HOOK1: variants seen among roughly 807,000 people sequenced by gnomAD.
HOOK1 encodes the protein hook microtubule tethering protein 1.
HOOK1 carries 60 observed loss-of-function variants against 112.8 expected under a neutral mutation model. The ratio of observed to expected loss-of-function variants is 0.53; its 90% confidence interval spans 0.43 to 0.66. The LOEUF (loss-of-function observed/expected upper bound fraction) is 0.66. Among genes scored for constraint, HOOK1 ranks in the 30% least tolerant of loss-of-function variants. The pLI, the probability that HOOK1 is intolerant of heterozygous loss-of-function variation, is 0.00. For missense variants in HOOK1, 770 were observed against 856.0 expected (o/e 0.90, Z 1.25); for synonymous variants, 294 against 283.8 (o/e 1.04, Z -0.36).
chr1:59,848,107 T>C (rs1222420324), intron 10 of HOOK1, among the ~76,000 whole-genome samples: 1 of 151,732 alleles, frequency 6.6e-6, no homozygotes, highest in Non-Finnish European at 1.5e-5. Context: ...GATGGCTTTA[T>C]ACCAAATAGG....
At chr1:59,823,043 G>A (rs1380188074) in intron 2 of HOOK1, among the ~76,000 whole-genome samples, 1 of 152,152 alleles carries the variant, frequency 6.6e-6, no homozygotes, top group Non-Finnish European at 1.5e-5. Context: ...TTGATTGGCC[G>A]GGTGCGGTGG....
intron 12 of HOOK1, among the ~76,000 whole-genome samples, chr1:59,851,249 T>C (rs2098407000): frequency 6.6e-6 from 1 of 151,654 alleles, no homozygotes; most frequent in South Asian, 2.1e-4. Flanking sequence ...CTTCTTGATC[T>C]ATAGATTAAT....
chr1:59,820,613 C>A (rs912825891), intron 1 of HOOK1, among the ~76,000 whole-genome samples: 12 of 152,160 alleles, frequency 7.9e-5, no homozygotes, highest in African/African-American at 2.7e-4. Context: ...CTAGACCTTC[C>A]ATTCAGAAAT....
chr1:59,872,994 A>G lies in HOOK1; in HGVS notation c.*29A>G. 1 of 1,419,736 alleles carries G rather than the reference A, an allele frequency of 7.0e-7. No homozygotes were observed. The highest frequency in any genetic ancestry group is 1.6e-5 in the South Asian group (1 of 63,926). 87.9% of individuals were successfully genotyped at this position (1,419,736 alleles called of 1,614,324 possible). On this transcript the variant is annotated 3_prime_UTR_variant, in exon 22 of 22. Coordinates refer to ENST00000371208, the MANE Select transcript of HOOK1 (RefSeq NM_015888.6). ...GCAAAAAAAACAAAACAAAACAAAAAAACCACATAAAATAGAAGTGTCCTT... is the reference window on the plus strand; with the variant it reads ...GCAAAAAAAACAAAACAAAACAAAAGAACCACATAAAATAGAAGTGTCCTT...
chr1:59,826,342 G>GAAAAAAAAAA (rs548259545), intron 2 of HOOK1, among the ~76,000 whole-genome samples: 1 of 136,652 alleles, frequency 7.3e-6, no homozygotes. Flanking sequence ...AGCGCAAAAG[G>GAAAAAAAAAA]AAAAAAAAAA....
At chr1:59,838,538 TG>T (rs1348106036) in intron 7 of HOOK1, among the ~76,000 whole-genome samples, 5 of 152,302 alleles carry the variant, frequency 3.3e-5, no homozygotes, top group African/African-American at 4.8e-5. Flanking sequence ...CATTTTTTGA[TG>T]GGGTTTTTTG....
chr1:59,870,106 G>T (rs1574229421), intron 20 of HOOK1, among the ~76,000 whole-genome samples: 2 of 152,138 alleles, frequency 1.3e-5, no homozygotes, highest in East Asian at 3.9e-4. Flanking sequence ...TGGTGAGACT[G>T]GGATTGGATA....
At chr1:59,848,779 G>C (rs1367656527) in intron 11 of HOOK1, among the ~76,000 whole-genome samples, 1 of 151,376 alleles carries the variant, frequency 6.6e-6, no homozygotes, top group Non-Finnish European at 1.5e-5. Flanking sequence ...CTGGTAAGCA[G>C]GGTTAATGCC....
At chr1:59,818,800 G>GT (rs903063874) in intron 1 of HOOK1, among the ~76,000 whole-genome samples, 31 of 151,904 alleles carry the variant, frequency 2.0e-4, no homozygotes, top group East Asian at 1.9e-3. Flanking sequence ...AGCAATGGTT[G>GT]TTTTTTTTGT....
At chr1:59,839,464 G>A (rs2098399784) in intron 7 of HOOK1, among the ~76,000 whole-genome samples, 1 of 152,178 alleles carries the variant, frequency 6.6e-6, no homozygotes, top group Non-Finnish European at 1.5e-5. Flanking sequence ...TAGCAATTGT[G>A]AATGGGAGTT....
At chr1:59,821,031 T>G (rs1418245163) in intron 1 of HOOK1, among the ~76,000 whole-genome samples, 1 of 152,180 alleles carries the variant, frequency 6.6e-6, no homozygotes, top group Non-Finnish European at 1.5e-5. Flanking sequence ...ATTAAGATAG[T>G]TAAATGGTAA....
intron 3 of HOOK1, 95 bp downstream of exon 3, chr1:59,828,947 T>A: frequency 1.1e-6 from 1 of 927,552 alleles, no homozygotes; most frequent in Non-Finnish European, 1.7e-6. Flanking sequence ...TAACTTATAG[T>A]ACTTTTTGTT....
intron 2 of HOOK1, among the ~76,000 whole-genome samples, chr1:59,823,286 C>G (rs1031634826): frequency 1.2e-4 from 19 of 152,160 alleles, no homozygotes; most frequent in African/African-American, 3.6e-4. Context: ...TGCCACTGCA[C>G]TCCAGCCTGG....
intron 1 of HOOK1, among the ~76,000 whole-genome samples, chr1:59,818,363 G>C (rs1281937624): frequency 1.3e-5 from 2 of 152,178 alleles, no homozygotes; most frequent in Non-Finnish European, 2.9e-5. Context: ...AGAAAAGTTA[G>C]TTATGTGAAG....
At chr1:59,835,109 T>G (rs1334371904) in intron 5 of HOOK1, among the ~76,000 whole-genome samples, 1 of 152,188 alleles carries the variant, frequency 6.6e-6, no homozygotes, top group Non-Finnish European at 1.5e-5. Flanking sequence ...AATTGATTTT[T>G]AAAATGATTT....
At chr1:59,848,252 C>T in intron 10 of HOOK1, 63 bp from the exon 11 acceptor site, 4 of 1,107,696 alleles carry the variant, frequency 3.6e-6, no homozygotes, top group Non-Finnish European at 3.9e-6. Flanking sequence ...ATTTTATAGC[C>T]AGAGTAAAAT....
Position 59,865,910 on chromosome 1 carries a change from A to C in HOOK1, c.1783A>C (p.Lys595Gln). Residue 595 changes from lysine (K) to glutamine (Q), a missense_variant, in exon 19 of 22, where the codon AAA becomes CAA. Coordinates refer to ENST00000371208, the MANE Select transcript of HOOK1 (RefSeq NM_015888.6). ...TGAACTTGAAGCTGCTCTTCAGAAG[A>C]AAGATGAAGATATGAAAGCAATGGA... ...INELEAALQK[K>Q]DEDMKAMEER... 6.3e-7 allele frequency: 1 copy of C among 1,595,104 alleles called. No individual in the cohort carries two copies. Among genetic ancestry groups the C allele is most frequent in the East Asian group, 2.3e-5 (1 of 43,878 alleles).
chr1:59,831,013 G>A (rs995289124), intron 3 of HOOK1, among the ~76,000 whole-genome samples: 2 of 151,042 alleles, frequency 1.3e-5, no homozygotes, highest in Admixed American at 1.3e-4. Flanking sequence ...CGATTCTTCT[G>A]CCTCAGCCTC....
intron 15 of HOOK1, among the ~76,000 whole-genome samples, chr1:59,861,568 T>C (rs960340159): frequency 6.6e-6 from 1 of 152,174 alleles, no homozygotes; most frequent in Non-Finnish European, 1.5e-5. Flanking sequence ...AATAACTCTA[T>C]GAAATAGTAA....
Sources: gnomAD v4.1 joint callset for allele counts (sites outside exome capture counted in the v4.1 genomes callset) on GRCh38, gnomAD v4.1.1 for gene constraint, MANE v1.5 for transcripts, NCBI Gene and HGNC (gene_info 2026-07-23, HGNC 2026-07-21) for gene names.